TNRC18: variants seen among roughly 807,000 people sequenced by gnomAD.
TNRC18 encodes the protein trinucleotide repeat containing 18.
Under a neutral mutation model 226.7 loss-of-function variants are expected in TNRC18, and 69 were observed. That is an observed-to-expected ratio of 0.30 (90% CI 0.25 to 0.37). TNRC18 has a LOEUF of 0.37. Ranked by LOEUF, TNRC18 falls within the 10% of genes least tolerant of loss-of-function variation. The probability of loss-of-function intolerance (pLI) is 1.00; values close to 1 mark genes in which losing one functional copy is unlikely to be tolerated. For missense variants in TNRC18, 4,754 were observed against 4,256.6 expected (o/e 1.12, Z -3.25); for synonymous variants, 2,449 against 1,927.6 (o/e 1.27, Z -7.09).
At chr7:5,322,591 CT>C (rs929293576) in intron 21 of TNRC18, among the ~76,000 whole-genome samples, 40 of 152,364 alleles carry the variant, frequency 2.6e-4, no homozygotes, top group African/African-American at 9.4e-4. Context: ...CACACCCCAC[CT>C]ACCTCTGAGA....
chr7:5,366,884 C>T (rs934922862), intron 11 of TNRC18, among the ~76,000 whole-genome samples: 1 of 152,202 alleles, frequency 6.6e-6, no homozygotes, highest in African/African-American at 2.4e-5. Flanking sequence ...AGGCAAGGGA[C>T]GCCCAAGTGA....
Position 5,313,666 on chromosome 7 carries a change from G to A in TNRC18, c.7225C>T (p.Pro2409Ser), listed in dbSNP as rs1206123749. 5.6e-6 allele frequency: 9 copies of A among 1,605,822 alleles called. No individual in the cohort carries two copies. Among genetic ancestry groups the A allele is most frequent in the Non-Finnish European group, 7.6e-6 (9 of 1,177,070 alleles). The change falls in exon 27 of 30, where the codon CCC becomes TCC. Residue 2409 changes from proline (P) to serine (S), a missense_variant. By Grantham distance (74) the Pro-to-Ser change is moderately conservative. Coordinates refer to ENST00000430969, the MANE Select transcript of TNRC18 (RefSeq NM_001080495.3). ...GCTGGCAGCTCTGCAAATGGCTCGG[G>A]TGCTGGGCAGCTGGTGAAGGCGGGT... is the stretch of plus-strand genomic sequence containing the variant. ...APPAFTSCPA[P>S]EPFAELPAPA...
chr7:5,405,600 A>G (rs1052576439), intron 2 of TNRC18, among the ~76,000 whole-genome samples: 1 of 152,036 alleles, frequency 6.6e-6, no homozygotes, highest in Non-Finnish European at 1.5e-5. Context: ...ACAAAAAGCC[A>G]GACATGGTAG....
chr7:5,317,187 G>C (rs1490159040), intron 24 of TNRC18, among the ~76,000 whole-genome samples: 1 of 152,042 alleles, frequency 6.6e-6, no homozygotes, highest in Non-Finnish European at 1.5e-5. Flanking sequence ...GCTTGATAAG[G>C]TTCCCTTCAT....
chr7:5,307,719 G>T lies in TNRC18; in HGVS notation c.*387C>A. 1 of 335,260 alleles carries T rather than the reference G, an allele frequency of 3.0e-6. No homozygotes were observed. Among genetic ancestry groups the T allele is most frequent in the East Asian group, 8.3e-5 (1 of 12,034 alleles). The allele number at this position is 335,260 out of a possible 1,614,324, so 20.8% of individuals were successfully genotyped here. ...AGCGTCAGTTTGGTTCCTTAGAAGC[G>T]CCCCTCCCCACCGAATCCCCAGTCT... On this transcript the variant is annotated 3_prime_UTR_variant, in exon 30 of 30. Coordinates refer to ENST00000430969, the MANE Select transcript of TNRC18 (RefSeq NM_001080495.3).
At chr7:5,337,607 C>T (rs1432052500) in intron 18 of TNRC18, among the ~76,000 whole-genome samples, 2 of 152,072 alleles carry the variant, frequency 1.3e-5, no homozygotes, top group African/African-American at 2.4e-5. Context: ...TGAAAAGCAA[C>T]AGAAATAATA....
At chr7:5,402,670 G>A (rs181338576) in intron 2 of TNRC18, among the ~76,000 whole-genome samples, 178 of 152,124 alleles carry the variant, frequency 1.2e-3, no homozygotes, top group African/African-American at 3.9e-3. Context: ...CCTGGTCAAC[G>A]TGGTGAAACC....
Position 5,345,679 on chromosome 7 carries a change from G to A in TNRC18, c.5602C>T (p.Leu1868=), listed in dbSNP as rs2128139615. The part of the protein sequence containing the change: ...PGLEESGLGL[L]ARFAASALPS... ...AGGGCGCTGGCGGCGAAGCGTGCCAGCAGGCCCAGCCCACTCTCCTCCAGG... is the reference window on the plus strand; with the variant it reads ...AGGGCGCTGGCGGCGAAGCGTGCCAACAGGCCCAGCCCACTCTCCTCCAGG... The change falls in exon 18 of 30, where the codon CTG becomes TTG. Residue 1868 remains leucine (L), a synonymous_variant. Coordinates refer to ENST00000430969, the MANE Select transcript of TNRC18 (RefSeq NM_001080495.3). 6.5e-7 allele frequency: 1 copy of A among 1,550,232 alleles called. No individual in the cohort carries two copies. The highest frequency in any genetic ancestry group is 8.7e-7 in the Non-Finnish European group (1 of 1,147,172).
At chr7:5,409,262 T>A (rs1308173700) in intron 2 of TNRC18, among the ~76,000 whole-genome samples, 1 of 150,720 alleles carries the variant, frequency 6.6e-6, no homozygotes, top group Non-Finnish European at 1.5e-5. Context: ...ACAAAGACAA[T>A]GCATGAAAGA....
At chr7:5,419,088 C>T (rs1420971031) in intron 2 of TNRC18, among the ~76,000 whole-genome samples, 2 of 152,252 alleles carry the variant, frequency 1.3e-5, no homozygotes, top group African/African-American at 4.8e-5. Flanking sequence ...GCAGAAGGTG[C>T]GCAGAGGCAG....
chr7:5,422,946 C>G (rs915267727), intron 1 of TNRC18: 4 of 152,226 alleles, frequency 2.6e-5, no homozygotes, highest in African/African-American at 9.7e-5. Flanking sequence ...TCGTAGTATG[C>G]CCAGGCGCCC....
At position 5,416,537 on chromosome 7, in the gene TNRC18, T is replaced by C. The variant is rs543124793; in HGVS notation, c.187+4523A>G. ...GGAGTTTGAGACCAGCTGGACAACA[T>C]AGGGAGACCCTGTCTCTACAGAAAA... On this transcript the variant is annotated intron_variant, in intron 2 of 29. Coordinates refer to ENST00000430969, the MANE Select transcript of TNRC18 (RefSeq NM_001080495.3). Among the ~76,000 whole-genome samples, 9 of 151,374 alleles carry C rather than the reference T, an allele frequency of 5.9e-5. No homozygotes were observed. In the South Asian group the frequency reaches 1.0e-3, roughly 18 times the overall value.
In TNRC18 at chr7:5,370,794, G is replaced by C. The variant is rs12671708; in HGVS notation, c.3800C>G (p.Ala1267Gly). 714,323 of 1,603,992 alleles carry C rather than the reference G, an allele frequency of 0.45. 165,123 individuals are homozygous for C. The highest frequency in any genetic ancestry group is 0.52 in the Admixed American group (30,356 of 58,840). The change falls in exon 11 of 30, where the codon GCG (alanine) becomes GGG (glycine). Residue 1267 changes from alanine (A) to glycine (G), a missense_variant. By Grantham distance (60) the Ala-to-Gly change is moderately conservative. Transcript: ENST00000430969. ...GGGCACTGCCTCCACCACGGGCACCGCCACAGGCACCTCCACCGGCTCCTC... is the reference window on the plus strand; with the variant it reads ...GGGCACTGCCTCCACCACGGGCACCCCCACAGGCACCTCCACCGGCTCCTC... ...AKEEPVEVPV[A>G]VPVVEAVPEE...
In TNRC18 at chr7:5,394,614, AG is replaced by A. The variant is rs1362097232; in HGVS notation, c.188-20del. On this transcript the variant is annotated intron_variant, in intron 2 of 29. Coordinates refer to ENST00000430969, the MANE Select transcript of TNRC18 (RefSeq NM_001080495.3). The surrounding 1 kb of genome is among the most constrained non-coding windows in gnomAD (Gnocchi z 4.5). Reference sequence around the variant, plus strand: ...GCCTCGCCTGCAGAGAGAAGTTGGGAGGACCGTCAGGCAGACAACCAGGGAG... The same window carrying A: ...GCCTCGCCTGCAGAGAGAAGTTGGGAGACCGTCAGGCAGACAACCAGGGAG... 1.3e-6 allele frequency: 2 copies of A among 1,534,774 alleles called. No homozygotes were observed. The highest frequency in any genetic ancestry group is 5.1e-5 in the East Asian group (2 of 39,432).
rs1375345677 is a variant in TNRC18, at chr7:5,388,307, G to A, written c.1517C>T (p.Pro506Leu). 1.4e-5 allele frequency: 23 copies of A among 1,605,928 alleles called. No homozygotes were observed. The highest frequency in any genetic ancestry group is 1.8e-5 in the Non-Finnish European group (21 of 1,177,222). ...LEPGRPPPTG[P>L]EHKWKPFELG... ...CTCGAAGGGTTTCCATTTATGCTCA[G>A]GGCCGGTGGGCGGGGGGCGCCCGGG... is the stretch of plus-strand genomic sequence containing the variant. Residue 506 changes from proline (P) to leucine (L), a missense_variant, in exon 5 of 30, where the codon CCT (proline) becomes CTT (leucine). Transcript: ENST00000430969.
intron 21 of TNRC18, among the ~76,000 whole-genome samples, chr7:5,323,061 G>A (rs528152291): frequency 1.6e-4 from 24 of 152,294 alleles, no homozygotes; most frequent in Admixed American, 1.4e-3. Flanking sequence ...GCCCATCACC[G>A]CAGGAGCAAG....
At chr7:5,330,567 T>C (rs898130787) in intron 19 of TNRC18, among the ~76,000 whole-genome samples, 2 of 152,036 alleles carry the variant, frequency 1.3e-5, no homozygotes, top group East Asian at 1.9e-4. Flanking sequence ...GAGCCACCTA[T>C]AGAGAGCGGT....
At chr7:5,343,690 G>A (rs1432569791) in intron 18 of TNRC18, among the ~76,000 whole-genome samples, 1 of 152,192 alleles carries the variant, frequency 6.6e-6, no homozygotes, top group African/African-American at 2.4e-5. Context: ...GCCTCCCAAA[G>A]TGCCGGGATT....
At chr7:5,345,056 C>G (rs1279813716) in intron 18 of TNRC18, among the ~76,000 whole-genome samples, 1 of 152,196 alleles carries the variant, frequency 6.6e-6, no homozygotes, top group African/African-American at 2.4e-5. Context: ...CCACATGAGG[C>G]CTGTCCCACC....
Sources: gnomAD v4.1 joint callset for allele counts (sites outside exome capture counted in the v4.1 genomes callset) on GRCh38, gnomAD v4.1.1 for gene constraint, Gnocchi (gnomAD v3.1) non-coding constraint, MANE v1.5 for transcripts, NCBI Gene and HGNC (gene_info 2026-07-23, HGNC 2026-07-21) for gene names.